FNDC3B: variants seen among roughly 807,000 people sequenced by gnomAD.
FNDC3B encodes the protein fibronectin type III domain containing 3B, also known as fibronectin type III domain-containing protein 3B.
In FNDC3B, 12 loss-of-function variants were observed where a neutral mutation model predicts 151.5. The ratio of observed to expected loss-of-function variants is 0.08; its 90% confidence interval spans 0.05 to 0.13. The LOEUF is 0.13. FNDC3B is among the 10% of genes least tolerant of loss of function. FNDC3B has a pLI of 1.00. For missense variants in FNDC3B, 1,214 were observed against 1,505.3 expected (o/e 0.81, Z 3.20); for synonymous variants, 528 against 549.0 (o/e 0.96, Z 0.54).
At chr3:172,113,625 C>T (rs956548615) in intron 2 of FNDC3B, among the ~76,000 whole-genome samples, 2 of 152,162 alleles carry the variant, frequency 1.3e-5, no homozygotes, top group African/African-American at 4.8e-5. Flanking sequence ...AACTCCCTTC[C>T]TGATTCCTCA....
chr3:172,397,962 A>G lies in FNDC3B; in HGVS notation c.*487A>G, dbSNP rs1366616137. On this transcript the variant is annotated 3_prime_UTR_variant, in exon 26 of 26. Coordinates refer to ENST00000415807, the MANE Select transcript of FNDC3B (RefSeq NM_022763.4). ...ACACAGCAACAGCAACATACAGAAGATATGTTCACTCAGATAAGACTGCCC... is the reference window on the plus strand; with the variant it reads ...ACACAGCAACAGCAACATACAGAAGGTATGTTCACTCAGATAAGACTGCCC... 6.6e-6 allele frequency: 1 copy of G among 152,492 alleles called. No homozygotes were observed. Among genetic ancestry groups the G allele is most frequent in the Non-Finnish European group, 1.5e-5 (1 of 68,194 alleles). The allele number at this position is 152,492 out of a possible 1,614,324, so 9.4% of individuals were successfully genotyped here. A position where few individuals can be genotyped will look rare whatever the true frequency, so the allele number is the denominator to read the frequency against.
chr3:172,209,580 C>A (rs182466479), intron 3 of FNDC3B, among the ~76,000 whole-genome samples: 4 of 152,058 alleles, frequency 2.6e-5, no homozygotes, highest in Non-Finnish European at 1.5e-5. Context: ...GGTCCATGGG[C>A]GGCCACAGGC....
chr3:172,159,001 G>A (rs1315539458), intron 3 of FNDC3B, among the ~76,000 whole-genome samples: 2 of 152,270 alleles, frequency 1.3e-5, no homozygotes, highest in East Asian at 1.9e-4. Flanking sequence ...ATCATCTGGG[G>A]CCGGGCATGG....
chr3:172,289,438 G>A (rs1002259956), intron 7 of FNDC3B, among the ~76,000 whole-genome samples: 24 of 152,038 alleles, frequency 1.6e-4, no homozygotes, highest in African/African-American at 5.8e-4. Flanking sequence ...TAGGTTCCAA[G>A]GACTAGGATG....
intron 25 of FNDC3B, 84 bp downstream of exon 25, chr3:172,381,177 A>G: frequency 6.8e-7 from 1 of 1,479,866 alleles, no homozygotes; most frequent in Non-Finnish European, 9.3e-7. Flanking sequence ...GACTCAGTGA[A>G]CTATGTTTTT....
chr3:172,291,490 TTAG>T (rs1730337142), intron 7 of FNDC3B, among the ~76,000 whole-genome samples: 1 of 152,178 alleles, frequency 6.6e-6, no homozygotes, highest in Admixed American at 6.5e-5. Context: ...ATGTGACCAC[TTAG>T]TAGTAGGAAG....
rs1321949913 is a variant in FNDC3B, at chr3:172,400,625, A to G, written c.*3150A>G. On this transcript the variant is annotated 3_prime_UTR_variant, in exon 26 of 26. Transcript: ENST00000415807. ...ATAGATTTTGCAAATATTATGCTAT[A>G]TGTAATACCTAACTGTATCTGTAGT... 1 of 152,634 alleles carries G rather than the reference A, an allele frequency of 6.6e-6. No individual in the cohort carries two copies. The highest frequency in any genetic ancestry group is 2.4e-5 in the African/African-American group (1 of 41,442). The allele number at this position is 152,634 out of a possible 1,614,324, so 9.5% of individuals were successfully genotyped here.
intron 11 of FNDC3B, among the ~76,000 whole-genome samples, chr3:172,312,741 A>G (rs1731580641): frequency 6.6e-6 from 1 of 152,102 alleles, no homozygotes. Context: ...GGAAGGCCAA[A>G]AAAGTTGAAT....
At chr3:172,264,359 T>G (rs1204882637) in intron 6 of FNDC3B, among the ~76,000 whole-genome samples, 1 of 152,206 alleles carries the variant, frequency 6.6e-6, no homozygotes, top group Non-Finnish European at 1.5e-5. Context: ...TACCCATAGT[T>G]GGAATGAGAG....
chr3:172,247,576 C>G lies in FNDC3B; in HGVS notation c.308C>G (p.Pro103Arg). Residue 103 changes from proline (P) to arginine (R), a missense_variant, in exon 5 of 26, where the codon CCC becomes CGC. Transcript: ENST00000415807. ...STGVRRVVVT[P>R]QSPECYPPSY... The stretch of plus-strand genomic sequence containing the variant: ...GGAGTCCGCCGGGTGGTGGTCACAC[C>G]CCAGTCTCCTGAGTGTTATCCCCCA... 1 of 1,613,890 alleles carries G rather than the reference C, an allele frequency of 6.2e-7. No homozygotes were observed.
intron 23 of FNDC3B, among the ~76,000 whole-genome samples, chr3:172,369,571 C>A (rs1734784554): frequency 6.6e-6 from 1 of 151,990 alleles, no homozygotes; most frequent in South Asian, 2.1e-4. Flanking sequence ...AAAATTCCAC[C>A]CATTAATGAA....
chr3:172,090,757 C>A (rs1189539441), intron 1 of FNDC3B, among the ~76,000 whole-genome samples: 1 of 152,056 alleles, frequency 6.6e-6, no homozygotes, highest in Non-Finnish European at 1.5e-5. Flanking sequence ...TTTTTGAGTG[C>A]CAACAGGATG....
rs146606186 is a variant in FNDC3B, at chr3:172,358,172, A to T, written c.2796-4461A>T. On this transcript the variant is annotated intron_variant, in intron 22 of 25. Transcript: ENST00000415807. ...GACCTAGCTGAGCTGCAGTTTCTTC[A>T]GTTGTAAAGCAGACAAAGTAGCTCC... Among the ~76,000 whole-genome samples, 1,105 of 152,326 alleles carry T rather than the reference A, an allele frequency of 7.3e-3. 7 individuals are homozygous for T. Among genetic ancestry groups the T allele is most frequent in the Non-Finnish European group, 0.012 (842 of 68,036 alleles).
intron 4 of FNDC3B, among the ~76,000 whole-genome samples, chr3:172,232,586 T>G (rs1432903618): frequency 6.6e-6 from 1 of 152,130 alleles, no homozygotes; most frequent in Non-Finnish European, 1.5e-5. Context: ...TGTGCCTTAT[T>G]TTTTAGTGGG....
At chr3:172,347,108 C>A in intron 20 of FNDC3B, 104 bp from the exon 21 acceptor site, 1 of 963,482 alleles carries the variant, frequency 1.0e-6, no homozygotes, top group Non-Finnish European at 1.5e-6. Context: ...TTGAAATATT[C>A]TGGGGCATGT....
intron 6 of FNDC3B, among the ~76,000 whole-genome samples, chr3:172,266,356 T>G (rs1037692444): frequency 1.3e-5 from 2 of 152,168 alleles, no homozygotes; most frequent in Non-Finnish European, 2.9e-5. Flanking sequence ...TTTTCCCCCA[T>G]AGAGATGGGG....
rs377055118 is a variant in FNDC3B at position 172,337,279 on chromosome 3, A to G, written c.1781-51A>G. On this transcript the variant is annotated intron_variant, in intron 15 of 25. Coordinates refer to ENST00000415807, the MANE Select transcript of FNDC3B (RefSeq NM_022763.4). ...TTATGAGTCCTGATGATGTTTACCA[A>G]TAAAAATCAATATCCTTTTATTGCT... The G allele has an allele frequency of 8.6e-6, 11 of 1,278,228 alleles. No individual in the cohort carries two copies. In the African/African-American group the frequency reaches 8.8e-5, roughly 10 times the overall value. 79.2% of individuals were successfully genotyped at this position (1,278,228 alleles called of 1,614,324 possible). A position where few individuals can be genotyped will look rare whatever the true frequency, so the allele number is the denominator to read the frequency against.
chr3:172,316,931 A>G (rs944090760), intron 11 of FNDC3B, among the ~76,000 whole-genome samples: 28 of 152,356 alleles, frequency 1.8e-4, no homozygotes, highest in African/African-American at 6.7e-4. Flanking sequence ...AAGGACTTGT[A>G]TCTGGCAAGG....
rs1019726510 is a variant in FNDC3B, at chr3:172,283,673, A to G, written c.791-2253A>G. Among the ~76,000 whole-genome samples the G allele has an allele frequency of 2.0e-5, 3 of 152,192 alleles. No homozygotes were observed. In the East Asian group the frequency reaches 5.8e-4, roughly 29 times the overall value. On this transcript the variant is annotated intron_variant, in intron 6 of 25. Transcript: ENST00000415807. Reference sequence around the variant, plus strand: ...ATTCTACAATAACCAGAAATTGAGAACATTTTGTCTTTAACAACTGAACCA... The same window carrying G: ...ATTCTACAATAACCAGAAATTGAGAGCATTTTGTCTTTAACAACTGAACCA...
Sources: allele counts gnomAD v4.1 joint callset (sites outside exome capture counted in the v4.1 genomes callset), GRCh38; gene constraint gnomAD v4.1.1; transcripts MANE v1.5; gene names NCBI Gene and HGNC (gene_info 2026-07-23, HGNC 2026-07-21).